Variants in DOCK1 observed in about 807,000 individuals in gnomAD.
DOCK1 encodes dedicator of cytokinesis 1, also known as dedicator of cytokinesis protein 1.
In DOCK1, 138 loss-of-function variants were observed where a neutral mutation model predicts 262.7. That is an observed-to-expected ratio of 0.53 (90% CI 0.46 to 0.61). The LOEUF is 0.61. Among genes scored for constraint, DOCK1 ranks in the 20% least tolerant of loss-of-function variants. The pLI is 0.00. For missense variants in DOCK1, 1,908 were observed against 2,370.7 expected, an observed-to-expected ratio of 0.80 and a Z score of 4.05; for synonymous variants, 866 against 867.4, an observed-to-expected ratio of 1.00 and a Z score of 0.03.
intron 19 of DOCK1, among the ~76,000 whole-genome samples, chr10:127,039,433 T>G (rs573673197): frequency 2.6e-5 from 4 of 152,208 alleles, no homozygotes; most frequent in Non-Finnish European, 5.9e-5. Flanking sequence ...AATGATCTTG[T>G]CCCGTCATTC....
At chr10:127,419,093 G>A (rs2068339851) in intron 45 of DOCK1, among the ~76,000 whole-genome samples, 1 of 152,172 alleles carries the variant, frequency 6.6e-6, no homozygotes, top group Non-Finnish European at 1.5e-5. Flanking sequence ...TACTGTAACT[G>A]GCGAGTTGAG....
intron 21 of DOCK1, among the ~76,000 whole-genome samples, chr10:127,045,483 C>T (rs1287238210): frequency 6.6e-6 from 1 of 152,082 alleles, no homozygotes; most frequent in Non-Finnish European, 1.5e-5. Context: ...TAATATTATC[C>T]CAGAGTGTCC....
At chr10:127,026,620 C>T (rs548915524) in intron 16 of DOCK1, 196 bp downstream of exon 16, 14 of 603,962 alleles carry the variant, frequency 2.3e-5, no homozygotes, top group South Asian at 1.2e-4. Flanking sequence ...TAATTTCCTT[C>T]TCCAGTTCCT....
intron 29 of DOCK1, among the ~76,000 whole-genome samples, chr10:127,335,364 G>T (rs1253888704): frequency 6.6e-6 from 1 of 152,178 alleles, no homozygotes. Context: ...ATCCTGCACT[G>T]TGTGGAGCCC....
intron 1 of DOCK1, among the ~76,000 whole-genome samples, chr10:126,912,788 C>T (rs1362029503): frequency 2.0e-5 from 3 of 151,826 alleles, no homozygotes; most frequent in African/African-American, 4.8e-5. Context: ...CCTACCCTAC[C>T]GTAAAGACCA....
At chr10:127,136,436 G>A (rs1295323718) in intron 27 of DOCK1, 2 of 143,034 alleles carry the variant, frequency 1.4e-5, no homozygotes, top group Non-Finnish European at 3.0e-5. Flanking sequence ...TCAAGACTAG[G>A]TTTTCCTGTA....
At chr10:127,001,174 A>G (rs2040570855) in intron 10 of DOCK1, among the ~76,000 whole-genome samples, 1 of 152,148 alleles carries the variant, frequency 6.6e-6, no homozygotes, top group Non-Finnish European at 1.5e-5. Flanking sequence ...TCATATGGAT[A>G]TTTATGAGGG....
At position 127,252,819 on chromosome 10, in the gene DOCK1, G is replaced by A. The variant is rs180822201; in HGVS notation, c.2950-4516G>A. 5.7e-4 allele frequency among the ~76,000 whole-genome samples: 86 copies of A among 152,182 alleles called. 1 individual carries two copies. Among genetic ancestry groups the A allele is most frequent in the Middle Eastern group, 3.4e-3 (1 of 294 alleles). On this transcript the variant is annotated intron_variant, in intron 28 of 51. Coordinates refer to ENST00000623213, the MANE Select transcript of DOCK1 (RefSeq NM_001290223.2). ...GTAGTGTAGTTTGAAGTCAGGTAGT[G>A]TGATGCCTCCAGCTTTGTTCTTTTG...
chr10:127,073,819 C>T (rs1319365352), intron 23 of DOCK1, among the ~76,000 whole-genome samples: 1 of 152,200 alleles, frequency 6.6e-6, no homozygotes, highest in African/African-American at 2.4e-5. Flanking sequence ...GCTGAAGGGA[C>T]ATTTGTAAAT....
intron 44 of DOCK1, among the ~76,000 whole-genome samples, chr10:127,417,882 C>A (rs1192866335): frequency 6.6e-6 from 1 of 152,132 alleles, no homozygotes; most frequent in Non-Finnish European, 1.5e-5. Context: ...GCCCATCACT[C>A]TTCCTTCACA....
In DOCK1 at chr10:127,333,721, G is replaced by T. The variant is rs181567378; in HGVS notation, c.3045-5285G>T. Reference sequence around the variant, plus strand: ...GGACCTTGGCAGGTGCCTCCTGCAGGCAGAGCCTCGCCGGCCACACCAGCC... The same window carrying T: ...GGACCTTGGCAGGTGCCTCCTGCAGTCAGAGCCTCGCCGGCCACACCAGCC... On this transcript the variant is annotated intron_variant, in intron 29 of 51. Transcript: ENST00000623213. Among the ~76,000 whole-genome samples, 79 of 152,290 alleles carry T rather than the reference G, an allele frequency of 5.2e-4. 2 individuals carry two copies. The East Asian group carries it at 0.013, about 26-fold the overall frequency.
chr10:127,037,706 T>C lies in DOCK1; in HGVS notation c.1913-13T>C. 6.4e-7 allele frequency: 1 copy of C among 1,571,266 alleles called. No individual in the cohort carries two copies. Among genetic ancestry groups the C allele is most frequent in the South Asian group, 1.2e-5 (1 of 84,418 alleles). ...TTGCTTGTGAAGATCTGATTGTCAT[T>C]TTCTGTTTCCAGTGGACCTTCTGGG... On this transcript the variant is annotated splice_polypyrimidine_tract_variant and intron_variant, in intron 18 of 51. Transcript: ENST00000623213.
intron 31 of DOCK1, among the ~76,000 whole-genome samples, chr10:127,350,276 C>T (rs1590628748): frequency 7.0e-6 from 1 of 142,136 alleles, no homozygotes; most frequent in East Asian, 2.1e-4. Context: ...TTAAAAAAAA[C>T]CTGCCTCCTG....
At chr10:127,434,656 CTTTTT>C (rs34630603) in intron 48 of DOCK1, among the ~76,000 whole-genome samples, 1 of 143,374 alleles carries the variant, frequency 7.0e-6, no homozygotes. Flanking sequence ...TGTCTACTTT[CTTTTT>C]TTTTTTTTTT....
At chr10:127,423,550 A>T (rs1019824187) in intron 46 of DOCK1, among the ~76,000 whole-genome samples, 1 of 152,202 alleles carries the variant, frequency 6.6e-6, no homozygotes, top group African/African-American at 2.4e-5. Flanking sequence ...ATCTTTCTCC[A>T]TACACAGCTG....
chr10:127,049,238 CG>C (rs750717758), intron 21 of DOCK1, among the ~76,000 whole-genome samples: 3 of 152,204 alleles, frequency 2.0e-5, no homozygotes, highest in South Asian at 2.1e-4. Context: ...AGTCATAGGC[CG>C]GGCATGGTGG....
intron 27 of DOCK1, among the ~76,000 whole-genome samples, chr10:127,210,316 G>A (rs191650886): frequency 2.6e-5 from 4 of 152,262 alleles, no homozygotes; most frequent in East Asian, 3.9e-4. Context: ...TGCTTGTCTC[G>A]GCAAATGACT....
intron 10 of DOCK1, among the ~76,000 whole-genome samples, chr10:127,006,931 A>G (rs2041073125): frequency 6.6e-6 from 1 of 152,120 alleles, no homozygotes; most frequent in Non-Finnish European, 1.5e-5. Context: ...GCTGCTGCCT[A>G]AATGAGTTTA....
intron 27 of DOCK1, among the ~76,000 whole-genome samples, chr10:127,173,056 C>T (rs1339348686): frequency 1.3e-5 from 2 of 152,096 alleles, no homozygotes; most frequent in African/African-American, 2.4e-5. Context: ...GCCTGTGTGC[C>T]GGGCATATAG....
Sources: allele counts gnomAD v4.1 joint callset (sites outside exome capture counted in the v4.1 genomes callset), GRCh38; gene constraint gnomAD v4.1.1; transcripts MANE v1.5; gene names NCBI Gene and HGNC (gene_info 2026-07-23, HGNC 2026-07-21).